Variants in SPAG16 observed in about 807,000 individuals in gnomAD.
SPAG16 encodes the protein sperm associated antigen 16, also known as sperm-associated antigen 16 protein.
Under a neutral mutation model 80.4 loss-of-function variants are expected in SPAG16, and 86 were observed. The ratio of observed to expected loss-of-function variants is 1.07; its 90% CI spans 0.90 to 1.28. The LOEUF (loss-of-function observed/expected upper bound fraction) is 1.28, where lower values mean the gene tolerates loss of function less well. Among genes scored for constraint, SPAG16 ranks in the 50% most tolerant of loss-of-function variants. SPAG16 has a pLI of 0.00. For synonymous variants in SPAG16, 294 were observed against 265.9 expected (o/e 1.11, Z -1.03); for missense variants, 870 against 765.3 (o/e 1.14, Z -1.61).
At chr2:213,864,849 A>G (rs2075623571) in intron 11 of SPAG16, among the ~76,000 whole-genome samples, 1 of 152,080 alleles carries the variant, frequency 6.6e-6, no homozygotes, top group South Asian at 2.1e-4. Flanking sequence ...CTCGTATCAT[A>G]GCAGACATCT....
intron 15 of SPAG16, among the ~76,000 whole-genome samples, chr2:214,212,957 G>A (rs146187590): frequency 3.9e-5 from 6 of 152,312 alleles, no homozygotes; most frequent in South Asian, 2.1e-4. Context: ...CTGAAGGCAC[G>A]GTGGGCCACC....
intron 10 of SPAG16, among the ~76,000 whole-genome samples, chr2:213,676,166 C>T (rs2064061775): frequency 6.6e-6 from 1 of 151,788 alleles, no homozygotes; most frequent in Non-Finnish European, 1.5e-5. Flanking sequence ...TGGGAGTTCA[C>T]TCATGATTTG....
chr2:214,332,875 C>T (rs1697019996), intron 15 of SPAG16, among the ~76,000 whole-genome samples: 1 of 152,148 alleles, frequency 6.6e-6, no homozygotes, highest in Non-Finnish European at 1.5e-5. Context: ...CTAGATACGT[C>T]CATGGCCACA....
chr2:214,220,154 G>C (rs1021212917), intron 15 of SPAG16, among the ~76,000 whole-genome samples: 1 of 152,014 alleles, frequency 6.6e-6, no homozygotes, highest in Non-Finnish European at 1.5e-5. Flanking sequence ...ACCTAAGTTA[G>C]CTTAAATATG....
Position 213,364,122 on chromosome 2 carries a change from G to A in SPAG16, c.809G>A (p.Ser270Asn). The A allele has an allele frequency of 6.6e-7, 1 of 1,523,616 alleles. No homozygotes were observed. Among genetic ancestry groups the A allele is most frequent in the African/African-American group, 1.4e-5 (1 of 71,298 alleles). The allele number at this position is 1,523,616 out of a possible 1,614,324, so 94.4% of individuals were successfully genotyped here. The change falls in exon 8 of 16, where the codon AGT (serine) becomes AAT (asparagine). Residue 270 changes from serine (S) to asparagine (N), a missense_variant. Physicochemically the swap from Ser to Asn is conservative, Grantham distance 46 (BLOSUM62 1). Transcript: ENST00000331683. ...TTGAAGAAACTGCAAAGAGGACATA[G>A]TTACCATGGTCCTCAAATTAAAGGT... ...ETLKKLQRGHSYHGPQIKVDH... is the reference protein window; with the variant it reads ...ETLKKLQRGHNYHGPQIKVDH...
At chr2:214,322,787 G>A (rs1190936994) in intron 15 of SPAG16, among the ~76,000 whole-genome samples, 2 of 152,062 alleles carry the variant, frequency 1.3e-5, no homozygotes, top group Non-Finnish European at 2.9e-5. Context: ...AAGGTGAGTC[G>A]GTAATAAGCT....
intron 10 of SPAG16, among the ~76,000 whole-genome samples, chr2:213,799,111 AAAG>A (rs1200635602): frequency 6.6e-6 from 1 of 152,166 alleles, no homozygotes; most frequent in Non-Finnish European, 1.5e-5. Context: ...CAAAACCAAA[AAAG>A]CAGAGATTTT....
At chr2:213,512,519 T>G (rs2125819274) in intron 10 of SPAG16, among the ~76,000 whole-genome samples, 1 of 152,266 alleles carries the variant, frequency 6.6e-6, no homozygotes, top group East Asian at 1.9e-4. Context: ...TCACATCACA[T>G]AGCATAAACT....
chr2:213,565,527 A>C (rs955864526), intron 10 of SPAG16, among the ~76,000 whole-genome samples: 9 of 152,270 alleles, frequency 5.9e-5, no homozygotes, highest in Non-Finnish European at 7.3e-5. Flanking sequence ...ACACCTAAAT[A>C]GATGATCTTG....
chr2:213,393,147 T>A (rs1489258527), intron 9 of SPAG16, among the ~76,000 whole-genome samples: 1 of 151,904 alleles, frequency 6.6e-6, no homozygotes, highest in Admixed American at 6.6e-5. Context: ...TATTTTTGGA[T>A]TATGCATGTA....
intron 9 of SPAG16, among the ~76,000 whole-genome samples, chr2:213,451,572 C>T (rs1237623517): frequency 6.6e-6 from 1 of 152,152 alleles, no homozygotes; most frequent in African/African-American, 2.4e-5. Flanking sequence ...GACTCAGACG[C>T]ACACACGCAT....
chr2:213,357,570 G>T (rs2065730987), intron 7 of SPAG16, among the ~76,000 whole-genome samples: 1 of 152,116 alleles, frequency 6.6e-6, no homozygotes, highest in South Asian at 2.1e-4. Context: ...CAGAGACTAG[G>T]ATTGCAACCC....
chr2:213,544,300 T>C (rs185787473), intron 10 of SPAG16, among the ~76,000 whole-genome samples: 1 of 152,200 alleles, frequency 6.6e-6, no homozygotes, highest in East Asian at 1.9e-4. Context: ...TTATATTCTG[T>C]GAGTACAATA....
Position 214,410,346 on chromosome 2 carries a change from C to T in SPAG16, c.*31C>T. 4 of 1,552,420 alleles carry T rather than the reference C, an allele frequency of 2.6e-6. No homozygotes were observed. The highest frequency in any genetic ancestry group is 1.8e-6 in the Non-Finnish European group (2 of 1,141,450). On this transcript the variant is annotated 3_prime_UTR_variant, in exon 16 of 16. Coordinates refer to ENST00000331683, the MANE Select transcript of SPAG16 (RefSeq NM_024532.5). Reference sequence around the variant, plus strand: ...AGCACATCCCGCTGCAGAGGGCATTCCCTTTAAGGCTTGAAAATGCCTCCT... The same window carrying T: ...AGCACATCCCGCTGCAGAGGGCATTTCCTTTAAGGCTTGAAAATGCCTCCT...
chr2:213,557,050 A>C (rs550194610), intron 10 of SPAG16, among the ~76,000 whole-genome samples: 4 of 152,138 alleles, frequency 2.6e-5, no homozygotes, highest in African/African-American at 9.7e-5. Context: ...AATATGCTCA[A>C]ATTAGTATAG....
At chr2:214,309,330 T>C (rs988749970) in intron 15 of SPAG16, among the ~76,000 whole-genome samples, 7 of 152,218 alleles carry the variant, frequency 4.6e-5, no homozygotes, top group African/African-American at 1.7e-4. Flanking sequence ...GGTTACAATG[T>C]ACTCCTATAG....
At chr2:213,521,226 C>T (rs914557721) in intron 10 of SPAG16, among the ~76,000 whole-genome samples, 10 of 152,154 alleles carry the variant, frequency 6.6e-5, no homozygotes, top group Middle Eastern at 3.2e-3. Flanking sequence ...TTCTTTTACA[C>T]GATCATGGAA....
chr2:213,372,679 T>C (rs2066701001), intron 8 of SPAG16, among the ~76,000 whole-genome samples: 1 of 152,148 alleles, frequency 6.6e-6, no homozygotes, highest in Non-Finnish European at 1.5e-5. Context: ...TTAGTTTACA[T>C]GTGTCCTAAT....
At position 213,374,986 on chromosome 2, in the gene SPAG16, A is replaced by G. The variant is rs372146846; in HGVS notation, c.833-24A>G. Reference sequence around the variant, plus strand: ...ATACCGATAAACAGTGCAAATATTAAGAATAAATTATATTATCTTGTAGTT... The same window carrying G: ...ATACCGATAAACAGTGCAAATATTAGGAATAAATTATATTATCTTGTAGTT... On this transcript the variant is annotated intron_variant, in intron 8 of 15. Coordinates refer to ENST00000331683, the MANE Select transcript of SPAG16 (RefSeq NM_024532.5). The G allele has an allele frequency of 9.9e-6, 15 of 1,516,534 alleles. No individual in the cohort carries two copies. In the African/African-American group the frequency reaches 1.3e-4, roughly 13 times the overall value. 93.9% of individuals were successfully genotyped at this position (1,516,534 alleles called of 1,614,324 possible).
Sources: allele counts gnomAD v4.1 joint callset (sites outside exome capture counted in the v4.1 genomes callset), GRCh38; gene constraint gnomAD v4.1.1; transcripts MANE v1.5; gene names NCBI Gene and HGNC (gene_info 2026-07-23, HGNC 2026-07-21).